The following STARD3 variants were observed in gnomAD, a reference collection of about 807,000 sequenced individuals.
The protein encoded by STARD3 is StAR related lipid transfer domain containing 3.
Under a neutral mutation model 62.0 loss-of-function variants are expected in STARD3, and 39 were observed. The observed-to-expected ratio is 0.63, with a 90% confidence interval of 0.49 to 0.82. The LOEUF (loss-of-function observed/expected upper bound fraction) is 0.82, where lower values mean the gene tolerates loss of function less well. STARD3 is among the 40% of genes least tolerant of loss of function. The pLI, the probability that STARD3 is intolerant of heterozygous loss-of-function variation, is 0.00. For synonymous variants in STARD3, 229 were observed against 242.4 expected, an observed-to-expected ratio of 0.94 and a Z score of 0.51; for missense variants, 543 against 584.5, an observed-to-expected ratio of 0.93 and a Z score of 0.73.
At position 39,659,151 on chromosome 17, in the gene STARD3, C is replaced by T. The variant is rs1208369841; in HGVS notation, c.702+45C>T. ...TAACCCCTGCCCTTGGAATGGGTGC[C>T]TGGAGGAGGGCGGGTGCAGGGGTCA... is the stretch of plus-strand genomic sequence containing the variant. On this transcript the variant is annotated intron_variant, in intron 8 of 14. Transcript: ENST00000336308. 7 of 1,612,332 alleles carry T rather than the reference C, an allele frequency of 4.3e-6. No individual in the cohort carries two copies. In the East Asian group the frequency reaches 1.3e-4, roughly 31 times the overall value.
intron 3 of STARD3, among the ~76,000 whole-genome samples, chr17:39,657,323 C>T (rs1041270922): frequency 2.6e-5 from 4 of 151,920 alleles, no homozygotes; most frequent in Non-Finnish European, 4.4e-5. Flanking sequence ...GTTAGGAGTT[C>T]GAAACCAGCT....
intron 1 of STARD3, among the ~76,000 whole-genome samples, chr17:39,643,282 C>T (rs1225485620): frequency 6.6e-6 from 1 of 152,120 alleles, no homozygotes; most frequent in East Asian, 1.9e-4. Flanking sequence ...CACTGTCCCC[C>T]AGCTAGCAAG....
chr17:39,637,672 T>C (rs973515493), intron 1 of STARD3, among the ~76,000 whole-genome samples: 7 of 152,070 alleles, frequency 4.6e-5, no homozygotes, highest in Non-Finnish European at 8.8e-5. Context: ...AACTTCCTAA[T>C]TGGTATTAAA....
chr17:39,655,667 C>G (rs542192675), intron 2 of STARD3, among the ~76,000 whole-genome samples: 2 of 152,294 alleles, frequency 1.3e-5, no homozygotes, highest in South Asian at 4.1e-4. Context: ...TTTCCCTTGG[C>G]AGACATTTAA....
chr17:39,660,866 T>C lies in STARD3; in HGVS notation c.1011T>C (p.Ala337=), dbSNP rs1002122381. The change falls in exon 12 of 15, where the codon GCT becomes GCC. Residue 337 remains alanine, a synonymous_variant. Coordinates refer to ENST00000336308, the MANE Select transcript of STARD3 (RefSeq NM_006804.4). The surrounding 1 kb of genome is among the most constrained non-coding windows in gnomAD (Gnocchi z 4.8). Reference sequence around the variant, plus strand: ...TCTCCTATGACGTGTCTGCAGGGGCTGCGGGCGGCGTGGTCTCCCCAAGGT... The same window carrying C: ...TCTCCTATGACGTGTCTGCAGGGGCCGCGGGCGGCGTGGTCTCCCCAAGGT... The part of the protein sequence containing the change: ...TLISYDVSAG[A]AGGVVSPRDF... 1.2e-6 allele frequency: 2 copies of C among 1,600,404 alleles called. No homozygotes were observed. Among genetic ancestry groups the C allele is most frequent in the African/African-American group, 1.3e-5 (1 of 74,626 alleles).
chr17:39,653,893 C>G, intron 2 of STARD3, 143 bp downstream of exon 2: 1 of 941,634 alleles, frequency 1.1e-6, no homozygotes, highest in Non-Finnish European at 1.6e-6. Flanking sequence ...AACAGGGGTT[C>G]TCATATTCTG....
chr17:39,653,668 T>C lies in STARD3; in HGVS notation c.137T>C (p.Ile46Thr). 6.2e-7 allele frequency: 1 copy of C among 1,614,180 alleles called. No individual in the cohort carries two copies. Among genetic ancestry groups the C allele is most frequent in the Non-Finnish European group, 8.5e-7 (1 of 1,180,042 alleles). Residue 46 changes from isoleucine to threonine, a missense_variant, in exon 2 of 15, where the codon ATC (isoleucine) becomes ACC (threonine). Coordinates refer to ENST00000336308, the MANE Select transcript of STARD3 (RefSeq NM_006804.4). Reference sequence around the variant, plus strand: ...CCGCCGCCTGAGAAGCGAAGGGCCATCTCTGATGTCCGCCGCACCTTCTGT... The same window carrying C: ...CCGCCGCCTGAGAAGCGAAGGGCCACCTCTGATGTCCGCCGCACCTTCTGT... Reference protein sequence around the residue: ...LLPPPEKRRAISDVRRTFCLF... With the variant: ...LLPPPEKRRATSDVRRTFCLF...
rs970382197 is a variant in STARD3, at chr17:39,637,243, A to C, written c.-52+12A>C. 1 of 152,256 alleles carries C rather than the reference A, an allele frequency of 6.6e-6. No homozygotes were observed. The highest frequency in any genetic ancestry group is 2.4e-5 in the African/African-American group (1 of 41,434). The allele number at this position is 152,256 out of a possible 1,614,324, so 9.4% of individuals were successfully genotyped here. A position where few individuals can be genotyped will look rare whatever the true frequency, so the allele number is the denominator to read the frequency against. On this transcript the variant is annotated intron_variant, in intron 1 of 14. Transcript: ENST00000336308. Reference sequence around the variant, plus strand: ...CTGACATGGAGCAGGTGGGTCCCGGAGCGGTCGCTGGGAGCGGGTGGCGTG... The same window carrying C: ...CTGACATGGAGCAGGTGGGTCCCGGCGCGGTCGCTGGGAGCGGGTGGCGTG...
Position 39,662,866 on chromosome 17 carries a change from T to A in STARD3, c.1296T>A (p.Phe432Leu), listed in dbSNP as rs747238609. 1.9e-6 allele frequency: 3 copies of A among 1,612,756 alleles called. No individual in the cohort carries two copies. In the South Asian group the frequency reaches 3.3e-5, roughly 18 times the overall value. Residue 432 changes from phenylalanine to leucine, a missense_variant, in exon 15 of 15, where the codon TTT becomes TTA. Transcript: ENST00000336308. ...SLAATMFEFA[F>L]HLRQRISELG... is the part of the protein sequence containing the mutation. ...CGGCCACCATGTTTGAATTTGCCTTTCACCTGCGACAGCGCATCAGCGAGC... is the reference window on the plus strand; with the variant it reads ...CGGCCACCATGTTTGAATTTGCCTTACACCTGCGACAGCGCATCAGCGAGC...
chr17:39,660,355 G>GC lies in STARD3; in HGVS notation c.859-70dup. The GC allele has an allele frequency of 1.2e-6, 2 of 1,610,576 alleles. No homozygotes were observed. The highest frequency in any genetic ancestry group is 2.2e-5 in the East Asian group (1 of 44,860). On this transcript the variant is annotated intron_variant, in intron 10 of 14. Coordinates refer to ENST00000336308, the MANE Select transcript of STARD3 (RefSeq NM_006804.4). This position sits in a 1 kb window ranked among gnomAD's most constrained non-coding sequence, Gnocchi z 4.8. The stretch of plus-strand genomic sequence containing the variant: ...GGTGCCGAGGGGCCCTCTGGTGGGT[G>GC]CCCCCCACCAAGAGGGAAGGGTTGG...
chr17:39,662,494 T>C, intron 14 of STARD3, 150 bp downstream of exon 14: 1 of 766,446 alleles, frequency 1.3e-6, no homozygotes, highest in Non-Finnish European at 2.1e-6. Context: ...TGGGTCAGGG[T>C]CCAGATGGTC....
At chr17:39,653,773 C>G (rs756650763) in intron 2 of STARD3, 23 bp downstream of exon 2, 1 of 1,613,122 alleles carries the variant, frequency 6.2e-7, no homozygotes, top group Non-Finnish European at 8.5e-7. Context: ...GAGGTGGGGG[C>G]ACAGGCCATG....
At chr17:39,644,905 A>G (rs2057011455) in intron 1 of STARD3, among the ~76,000 whole-genome samples, 1 of 151,092 alleles carries the variant, frequency 6.6e-6, no homozygotes, top group African/African-American at 2.4e-5. Flanking sequence ...GCCTACTGAG[A>G]GCTGCCGTCG....
At chr17:39,653,094 TG>T (rs1347103207) in intron 1 of STARD3, 1 of 200,996 alleles carries the variant, frequency 5.0e-6, no homozygotes, top group Non-Finnish European at 1.0e-5. Context: ...CCTCTTCTCC[TG>T]GGGGTGGTGG....
chr17:39,649,901 C>T (rs536284636), intron 1 of STARD3, among the ~76,000 whole-genome samples: 1 of 148,612 alleles, frequency 6.7e-6, no homozygotes, highest in East Asian at 2.0e-4. Context: ...ACAAAGAAAG[C>T]ATATTCCTTT....
At chr17:39,656,912 T>C in intron 2 of STARD3, 96 bp from the exon 3 acceptor site, 1 of 1,230,248 alleles carries the variant, frequency 8.1e-7, no homozygotes. Context: ...CCCTCCAGGT[T>C]CCTCCATCCC....
At chr17:39,637,821 A>G (rs1350021213) in intron 1 of STARD3, among the ~76,000 whole-genome samples, 2 of 152,050 alleles carry the variant, frequency 1.3e-5, no homozygotes, top group Non-Finnish European at 2.9e-5. Context: ...CAGTCGGTCA[A>G]AGTCCCGCTT....
Position 39,653,453 on chromosome 17 carries a change from C to G in STARD3, c.-51-28C>G, listed in dbSNP as rs191458134. On this transcript the variant is annotated intron_variant, in intron 1 of 14. Coordinates refer to ENST00000336308, the MANE Select transcript of STARD3 (RefSeq NM_006804.4). ...TGTGGGAGGGACAGGAGGAGTTTGA[C>G]AGGACTCTGCCTCTGCCTCGCCCCC... 4.2e-5 allele frequency: 61 copies of G among 1,469,828 alleles called. No individual in the cohort carries two copies. In the East Asian group the frequency reaches 1.3e-3, roughly 32 times the overall value. 91.0% of individuals were successfully genotyped at this position (1,469,828 alleles called of 1,614,324 possible).
At chr17:39,658,236 C>A (rs1388435645) in intron 5 of STARD3, 169 bp from the exon 6 acceptor site, 1 of 833,166 alleles carries the variant, frequency 1.2e-6, no homozygotes. Context: ...AAGGTTCTTT[C>A]TCCAGCCTAA....
Sources: allele counts gnomAD v4.1 joint callset (sites outside exome capture counted in the v4.1 genomes callset), GRCh38; gene constraint gnomAD v4.1.1; non-coding constraint Gnocchi (gnomAD v3.1); transcripts MANE v1.5; gene names NCBI Gene and HGNC (gene_info 2026-07-23, HGNC 2026-07-21).